TMEM131: variants seen among roughly 807,000 people sequenced by gnomAD.
The protein encoded by TMEM131 is 2610524E03Rik.
In TMEM131, 66 loss-of-function variants were observed where a neutral mutation model predicts 211.6. The ratio of observed to expected loss-of-function variants is 0.31; its 90% CI spans 0.26 to 0.38. The LOEUF is 0.38. Ranked by LOEUF, TMEM131 falls within the 10% of genes least tolerant of loss-of-function variation. TMEM131 has a pLI of 1.00. For missense variants in TMEM131, 2,036 were observed against 2,299.3 expected (o/e 0.89, Z 2.34); for synonymous variants, 844 against 841.3 (o/e 1.00, Z -0.06).
chr2:97,940,513 A>G (rs1677667369), intron 1 of TMEM131, among the ~76,000 whole-genome samples: 1 of 152,206 alleles, frequency 6.6e-6, no homozygotes, highest in South Asian at 2.1e-4. Flanking sequence ...AGTGAAATAA[A>G]AGAGGACACA....
rs774460085 is a variant in TMEM131 at position 97,760,621 on chromosome 2, C to A, written c.5080G>T (p.Ala1694Ser). The A allele has an allele frequency of 1.9e-6, 3 of 1,612,536 alleles. No homozygotes were observed. In the Admixed American group the frequency reaches 5.0e-5, roughly 27 times the overall value. ...GFSSSLGISH[A>S]PVDSDGSDSS... ...TCTGAGCCATCGCTGTCAACAGGAG[C>A]GTGTGAAATGCCAAGGCTGCTGGAG... Residue 1694 changes from alanine (A) to serine (S), a missense_variant, in exon 38 of 41, where the codon GCT becomes TCT. Physicochemically the swap from Ala to Ser is moderately conservative, Grantham distance 99. Around this residue, in one of 3 missense-constraint regions of TMEM131, gnomAD observed 1,623 missense variants for 1,805.9 expected, o/e 0.90. Coordinates refer to ENST00000186436, the MANE Select transcript of TMEM131 (RefSeq NM_015348.2).
At chr2:97,880,631 C>A (rs1347728249) in intron 4 of TMEM131, among the ~76,000 whole-genome samples, 1 of 152,050 alleles carries the variant, frequency 6.6e-6, no homozygotes, top group African/African-American at 2.4e-5. Flanking sequence ...TGGTACCGTT[C>A]ATGGACTGGA....
chr2:97,779,767 A>G (rs1679909060), intron 31 of TMEM131, among the ~76,000 whole-genome samples: 1 of 152,192 alleles, frequency 6.6e-6, no homozygotes, highest in Non-Finnish European at 1.5e-5. Context: ...TAATCCCCAA[A>G]GGTTTGGGAA....
intron 39 of TMEM131, 152 bp downstream of exon 39, chr2:97,759,500 G>A (rs949492953): frequency 5.3e-5 from 34 of 643,994 alleles, no homozygotes; most frequent in Non-Finnish European, 9.0e-5. Context: ...GGATGAGGGA[G>A]GAAGAGGGGA....
At chr2:97,836,966 A>C (rs1682969327) in intron 8 of TMEM131, 111 bp downstream of exon 8, 1 of 811,006 alleles carries the variant, frequency 1.2e-6, no homozygotes, top group African/African-American at 1.8e-5. Context: ...ACAACGATTA[A>C]AGAGAAGTCA....
At chr2:97,853,570 C>T (rs1038548651) in intron 5 of TMEM131, among the ~76,000 whole-genome samples, 2 of 148,652 alleles carry the variant, frequency 1.3e-5, no homozygotes, top group African/African-American at 5.0e-5. Flanking sequence ...TGTGCCAGTG[C>T]ACTCCAGCCT....
At chr2:97,812,297 C>G (rs1472549913) in intron 17 of TMEM131, 124 bp downstream of exon 17, 1 of 1,098,588 alleles carries the variant, frequency 9.1e-7, no homozygotes, top group East Asian at 2.6e-5. Context: ...CTTTTAATAG[C>G]AAGTAACCAA....
chr2:97,949,755 G>A (rs933408021), intron 1 of TMEM131, among the ~76,000 whole-genome samples: 7 of 142,692 alleles, frequency 4.9e-5, no homozygotes, highest in African/African-American at 1.1e-4. Context: ...GGGAGGCAGC[G>A]CTTGCAGTGA....
chr2:97,957,021 C>T (rs968568389), intron 1 of TMEM131, among the ~76,000 whole-genome samples: 22 of 150,568 alleles, frequency 1.5e-4, no homozygotes, highest in African/African-American at 5.2e-4. Flanking sequence ...AGCTTGAACC[C>T]GGGAGGCGGA....
At chr2:97,830,132 T>TTAAAA (rs762339222) in intron 11 of TMEM131, among the ~76,000 whole-genome samples, 1 of 72,350 alleles carries the variant, frequency 1.4e-5, no homozygotes, top group African/African-American at 5.7e-5. Flanking sequence ...CATTATCAGT[T>TTAAAA]AAAAAAAAAA....
intron 4 of TMEM131, among the ~76,000 whole-genome samples, chr2:97,864,771 C>A (rs2105198081): frequency 6.6e-6 from 1 of 152,328 alleles, no homozygotes; most frequent in Middle Eastern, 3.4e-3. Flanking sequence ...TGTCAATGGG[C>A]AGCCTGAGCT....
intron 2 of TMEM131, among the ~76,000 whole-genome samples, chr2:97,914,969 G>A (rs575741346): frequency 2.1e-4 from 32 of 152,334 alleles, no homozygotes; most frequent in African/African-American, 6.7e-4. Context: ...TTTTTCCAGA[G>A]TAGCTGTATC....
At chr2:97,992,333 T>C (rs1318563553) in intron 1 of TMEM131, among the ~76,000 whole-genome samples, 1 of 152,252 alleles carries the variant, frequency 6.6e-6, no homozygotes, top group Non-Finnish European at 1.5e-5. Context: ...GTAAATACTT[T>C]TGTACTGTGT....
At chr2:97,928,595 G>A (rs1677086681) in intron 1 of TMEM131, among the ~76,000 whole-genome samples, 1 of 151,726 alleles carries the variant, frequency 6.6e-6, no homozygotes, top group Non-Finnish European at 1.5e-5. Flanking sequence ...AGAGGGGAGA[G>A]TGCTCACCTA....
Position 97,814,100 on chromosome 2 carries a change from T to C in TMEM131, c.1488A>G (p.Glu496=), listed in dbSNP as rs181631099. ...AAAGCAGGGTAAAAATGTATCCTGA[T>C]TCATTAGGAAGAATTAAGACTGGTT... The part of the protein sequence containing the change: ...FSKPVLILPN[E]SGYIFTLLFM... The change falls in exon 15 of 41, where the codon GAA becomes GAG. Residue 496 remains glutamate, a synonymous_variant. Coordinates refer to ENST00000186436, the MANE Select transcript of TMEM131 (RefSeq NM_015348.2). 1.1e-3 allele frequency: 1,707 copies of C among 1,608,428 alleles called. 8 individuals carry two copies. The Middle Eastern group carries it at 0.027, about 25-fold the overall frequency.
chr2:97,783,444 C>G (rs1263735330), intron 31 of TMEM131, among the ~76,000 whole-genome samples: 20 of 152,048 alleles, frequency 1.3e-4, no homozygotes, highest in Admixed American at 1.3e-3. Flanking sequence ...TGCAAAAATT[C>G]AAACATTATC....
At chr2:97,918,748 T>C (rs1314756044) in intron 2 of TMEM131, among the ~76,000 whole-genome samples, 1 of 152,180 alleles carries the variant, frequency 6.6e-6, no homozygotes, top group African/African-American at 2.4e-5. Context: ...TCTGAAGCAG[T>C]GGAAGAAAAC....
chr2:97,950,554 G>C (rs1206486768), intron 1 of TMEM131, among the ~76,000 whole-genome samples: 2 of 152,148 alleles, frequency 1.3e-5, no homozygotes, highest in Non-Finnish European at 2.9e-5. Flanking sequence ...AAGAGCATCA[G>C]GACAGGGTCT....
At chr2:97,838,356 A>G (rs1395209501) in intron 7 of TMEM131, among the ~76,000 whole-genome samples, 1 of 151,920 alleles carries the variant, frequency 6.6e-6, no homozygotes, top group Non-Finnish European at 1.5e-5. Flanking sequence ...CACTTGTTTC[A>G]TCACAAGAAG....
Sources: gnomAD v4.1 joint callset for allele counts (sites outside exome capture counted in the v4.1 genomes callset) on GRCh38, gnomAD v4.1.1 for gene constraint, gnomAD v4.1.1 regional missense constraint, MANE v1.5 for transcripts, NCBI Gene and HGNC (gene_info 2026-07-23, HGNC 2026-07-21) for gene names.